The following ADRA1B variants were observed in gnomAD, a reference collection of about 807,000 sequenced individuals.
ADRA1B encodes the protein adrenoceptor alpha 1B, also known as alpha-1B adrenergic receptor.
Under a neutral mutation model 17.9 loss-of-function variants are expected in ADRA1B, and 17 were observed. The observed-to-expected ratio is 0.95, with a 90% CI of 0.65 to 1.42. The LOEUF (loss-of-function observed/expected upper bound fraction) is 1.42, where lower values mean the gene tolerates loss of function less well. Among genes scored for constraint, ADRA1B ranks in the 40% most tolerant of loss-of-function variants. ADRA1B has a pLI of 0.00. For synonymous variants in ADRA1B, 366 were observed against 327.6 expected (o/e 1.12, Z -1.27); for missense variants, 681 against 722.1 (o/e 0.94, Z 0.65).
the ADRA1B span, among the ~76,000 whole-genome samples, chr5:159,985,044 T>C: frequency 1.3e-5 from 2 of 152,160 alleles, no homozygotes; most frequent in South Asian, 2.1e-4. Context: ...CTTCCGACAC[T>C]ACCCCCTCCC....
chr5:159,953,384 T>C (rs908814529), intron 1 of ADRA1B, among the ~76,000 whole-genome samples: 1 of 152,010 alleles, frequency 6.6e-6, no homozygotes, highest in Non-Finnish European at 1.5e-5. Context: ...AAAAAAAAGA[T>C]AGTGGCAATG....
chr5:159,869,545 GA>G (rs1456680829), intron 1 of ADRA1B: 15 of 152,354 alleles, frequency 9.8e-5, no homozygotes, highest in Admixed American at 8.5e-4. Flanking sequence ...ACGATCTGGA[GA>G]ACTAACTCTT....
At chr5:159,918,618 C>A (rs1754394288) in intron 1 of ADRA1B, among the ~76,000 whole-genome samples, 1 of 152,178 alleles carries the variant, frequency 6.6e-6, no homozygotes. Context: ...TGACAGAGAC[C>A]AAATCCTGGT....
In ADRA1B at chr5:159,939,320, T is replaced by TGCGCGCGC. The variant is rs1170671488; in HGVS notation, c.949+21467_949+21468insCGCGCGCG. ...GTGTGTGTGTGTGTGTGTGTGTGTG[T>TGCGCGCGC]GTGCGCGCGCGCGCGCACACAATGC... is the stretch of plus-strand genomic sequence containing the variant. On this transcript the variant is annotated intron_variant, in intron 1 of 1. Coordinates refer to ENST00000306675, the MANE Select transcript of ADRA1B (RefSeq NM_000679.4). Among the ~76,000 whole-genome samples the TGCGCGCGC allele has an allele frequency of 1.9e-3, 209 of 108,066 alleles. 1 individual carries two copies. The highest frequency in any genetic ancestry group is 5.2e-3 in the Admixed American group (58 of 11,194). 70.9% of individuals were successfully genotyped at this position (108,066 alleles called of 152,430 possible).
At chr5:159,891,838 G>A (rs1043453613) in intron 1 of ADRA1B, among the ~76,000 whole-genome samples, 2 of 152,132 alleles carry the variant, frequency 1.3e-5, no homozygotes, top group African/African-American at 2.4e-5. Context: ...GGGGAGAGCC[G>A]CCTTAGGATT....
chr5:159,904,807 A>C (rs1175955788), intron 1 of ADRA1B, among the ~76,000 whole-genome samples: 4 of 152,224 alleles, frequency 2.6e-5, no homozygotes, highest in Non-Finnish European at 5.9e-5. Context: ...CCTTGGGAGA[A>C]AGAAATACTT....
chr5:159,877,145 G>C (rs567089943), intron 1 of ADRA1B, among the ~76,000 whole-genome samples: 1 of 152,296 alleles, frequency 6.6e-6, no homozygotes, highest in South Asian at 2.1e-4. Flanking sequence ...ATCAAGGCTT[G>C]TTGCCTGCCC....
intron 1 of ADRA1B, among the ~76,000 whole-genome samples, chr5:159,884,898 C>T (rs1344203327): frequency 3.3e-5 from 5 of 152,212 alleles, no homozygotes. Context: ...GTCTCCTCCG[C>T]TCAGTTACAC....
chr5:159,897,505 G>A (rs1467886531), intron 1 of ADRA1B, among the ~76,000 whole-genome samples: 2 of 151,870 alleles, frequency 1.3e-5, no homozygotes, highest in African/African-American at 2.4e-5. Context: ...AAGAAAAAAG[G>A]ACTGGTCCCT....
At chr5:159,969,872 T>C (rs1273739982) in intron 1 of ADRA1B, among the ~76,000 whole-genome samples, 1 of 152,212 alleles carries the variant, frequency 6.6e-6, no homozygotes, top group South Asian at 2.1e-4. Flanking sequence ...TTTAAAATAG[T>C]TTCTCTTTTT....
chr5:159,982,760 C>T, the ADRA1B span, among the ~76,000 whole-genome samples: 52 of 152,258 alleles, frequency 3.4e-4, 1 homozygote, highest in East Asian at 9.6e-3. Context: ...AGGAAAATTG[C>T]AAGTTTCTCC....
chr5:159,883,991 A>G (rs1234389372), intron 1 of ADRA1B, among the ~76,000 whole-genome samples: 2 of 152,244 alleles, frequency 1.3e-5, no homozygotes, highest in Non-Finnish European at 2.9e-5. Context: ...CCAATTGACC[A>G]GTGGATGAGG....
At chr5:159,960,452 C>G (rs796280807) in intron 1 of ADRA1B, among the ~76,000 whole-genome samples, 18 of 152,314 alleles carry the variant, frequency 1.2e-4, no homozygotes, top group African/African-American at 4.1e-4. Flanking sequence ...CCTGTGCTCA[C>G]CCATGAATCC....
rs930078424 is a variant in ADRA1B at position 159,947,493 on chromosome 5, T to C, written c.950-24386T>C. Reference sequence around the variant, plus strand: ...TATTTCACTCAACCAATGCAGCCTCTATAGCATTTTTTTTCATTTGATCTG... The same window carrying C: ...TATTTCACTCAACCAATGCAGCCTCCATAGCATTTTTTTTCATTTGATCTG... On this transcript the variant is annotated intron_variant, in intron 1 of 1. Coordinates refer to ENST00000306675, the MANE Select transcript of ADRA1B (RefSeq NM_000679.4). Among the ~76,000 whole-genome samples the C allele has an allele frequency of 2.6e-5, 4 of 152,024 alleles. No individual in the cohort carries two copies. The East Asian group carries it at 7.7e-4, about 29-fold the overall frequency.
chr5:159,965,652 C>G (rs1755761748), intron 1 of ADRA1B, among the ~76,000 whole-genome samples: 1 of 152,150 alleles, frequency 6.6e-6, no homozygotes, highest in Non-Finnish European at 1.5e-5. Flanking sequence ...CCAGCAGCTA[C>G]TGTGCTGGCA....
the ADRA1B span, among the ~76,000 whole-genome samples, chr5:159,978,521 G>A: frequency 1.3e-5 from 2 of 152,158 alleles, no homozygotes; most frequent in Non-Finnish European, 2.9e-5. Flanking sequence ...TTCTGGCTCA[G>A]CCCCTAAGTC....
chr5:159,972,081 C>T lies in ADRA1B; in HGVS notation c.1152C>T (p.Cys384=). 1 of 1,299,050 alleles carries T rather than the reference C, an allele frequency of 7.7e-7. No individual in the cohort carries two copies. The highest frequency in any genetic ancestry group is 2.5e-5 in the South Asian group (1 of 39,520). 80.5% of individuals were successfully genotyped at this position (1,299,050 alleles called of 1,614,324 possible). A position where few individuals can be genotyped will look rare whatever the true frequency, so the allele number is the denominator to read the frequency against. ...GCCGCCGCCGTCGCCTGGGCGGCTG[C>T]GCCTACACCTACCGGCCGTGGACGC... ...RRRRRRRLGG[C]AYTYRPWTRG... is the part of the protein sequence containing the mutation. Residue 384 remains cysteine, a synonymous_variant, in exon 2 of 2, where the codon TGC becomes TGT. Coordinates refer to ENST00000306675, the MANE Select transcript of ADRA1B (RefSeq NM_000679.4).
chr5:159,988,207 G>C, the ADRA1B span, among the ~76,000 whole-genome samples: 1 of 152,294 alleles, frequency 6.6e-6, no homozygotes, highest in Admixed American at 6.5e-5. Context: ...GGGAGACTTT[G>C]AAGATGGGGA....
At chr5:159,971,742 G>A (rs1429626692) in intron 1 of ADRA1B, 137 bp from the exon 2 acceptor site, 3 of 888,642 alleles carry the variant, frequency 3.4e-6, no homozygotes, top group African/African-American at 1.7e-5. Flanking sequence ...TCCGGGCAGA[G>A]GAACCGGCTC....
Sources: allele counts gnomAD v4.1 joint callset (sites outside exome capture counted in the v4.1 genomes callset), GRCh38; gene constraint gnomAD v4.1.1; transcripts MANE v1.5; gene names NCBI Gene and HGNC (gene_info 2026-07-23, HGNC 2026-07-21).